DPY19L2: variants seen among roughly 807,000 people sequenced by gnomAD.
DPY19L2 encodes probable C-mannosyltransferase DPY19L2.
In DPY19L2, 34 loss-of-function variants were observed where a neutral mutation model predicts 97.9. That is an observed-to-expected ratio of 0.35 (90% CI 0.26 to 0.46). The LOEUF (loss-of-function observed/expected upper bound fraction) is 0.46. DPY19L2 is among the 20% of genes least tolerant of loss of function. The pLI, the probability that DPY19L2 is intolerant of heterozygous loss-of-function variation, is 1.00. For missense variants in DPY19L2, 623 were observed against 911.4 expected, an observed-to-expected ratio of 0.68 and a Z score of 4.07; for synonymous variants, 230 against 307.9, an observed-to-expected ratio of 0.75 and a Z score of 2.65.
At chr12:63,597,094 T>G (rs1228896950) in intron 14 of DPY19L2, among the ~76,000 whole-genome samples, 1 of 151,952 alleles carries the variant, frequency 6.6e-6, no homozygotes, top group Non-Finnish European at 1.5e-5. Context: ...TGTCTCAGCC[T>G]CCTACTCAGG....
chr12:63,660,610 A>G (rs1895552309), intron 4 of DPY19L2, among the ~76,000 whole-genome samples: 1 of 152,032 alleles, frequency 6.6e-6, no homozygotes, highest in African/African-American at 2.4e-5. Context: ...TAGATGGTTG[A>G]TCACACATAT....
chr12:63,563,000 T>C (rs1483179107), intron 21 of DPY19L2, among the ~76,000 whole-genome samples: 3 of 152,170 alleles, frequency 2.0e-5, no homozygotes, highest in African/African-American at 7.2e-5. Flanking sequence ...TTTCGCCATG[T>C]TGGCCAGGCT....
chr12:63,584,936 C>T (rs1327010811), intron 16 of DPY19L2, among the ~76,000 whole-genome samples: 1 of 152,062 alleles, frequency 6.6e-6, no homozygotes, highest in African/African-American at 2.4e-5. Context: ...TCTAAAACTG[C>T]AAAAGTTATG....
intron 21 of DPY19L2, among the ~76,000 whole-genome samples, chr12:63,567,370 A>G (rs1323329268): frequency 6.6e-6 from 1 of 151,612 alleles, no homozygotes; most frequent in Non-Finnish European, 1.5e-5. Flanking sequence ...AGTGGTTTTG[A>G]TAGGGATGAC....
intron 4 of DPY19L2, among the ~76,000 whole-genome samples, chr12:63,655,103 T>C (rs1205233563): frequency 3.3e-5 from 5 of 152,052 alleles, no homozygotes; most frequent in Admixed American, 1.3e-4. Context: ...GCATCTATAA[T>C]ATATAAGGAA....
At chr12:63,627,668 T>C (rs1474996592) in intron 6 of DPY19L2, among the ~76,000 whole-genome samples, 1 of 152,160 alleles carries the variant, frequency 6.6e-6, no homozygotes, top group Non-Finnish European at 1.5e-5. Context: ...TTTCTTAAAT[T>C]GCCTTTTTGT....
rs146091782 is a variant in DPY19L2 at position 63,645,796 on chromosome 12, G to A, written c.710-1300C>T. Among the ~76,000 whole-genome samples, 362 of 152,062 alleles carry A rather than the reference G, an allele frequency of 2.4e-3. 3 individuals carry two copies. The highest frequency in any genetic ancestry group is 4.3e-3 in the Non-Finnish European group (291 of 67,976). ...GCAATCACTTGTTGAGAATATAATT[G>A]TCTCCTACCTGGCCTCCCTTAACCT... is the stretch of plus-strand genomic sequence containing the variant. On this transcript the variant is annotated intron_variant, in intron 5 of 21. Coordinates refer to ENST00000324472, the MANE Select transcript of DPY19L2 (RefSeq NM_173812.5).
chr12:63,643,393 A>G (rs574098605), intron 6 of DPY19L2, among the ~76,000 whole-genome samples: 1 of 152,242 alleles, frequency 6.6e-6, no homozygotes, highest in East Asian at 1.9e-4. Context: ...TAATCTCTAT[A>G]TTGACATAAG....
At chr12:63,590,154 C>T (rs1882652418) in intron 16 of DPY19L2, among the ~76,000 whole-genome samples, 1 of 151,606 alleles carries the variant, frequency 6.6e-6, no homozygotes, top group African/African-American at 2.4e-5. Flanking sequence ...ACAACAAAAA[C>T]CCACAAAACA....
intron 11 of DPY19L2, among the ~76,000 whole-genome samples, chr12:63,611,836 G>A (rs986863594): frequency 1.3e-5 from 2 of 151,986 alleles, no homozygotes; most frequent in Non-Finnish European, 2.9e-5. Context: ...AAAGTGAAGT[G>A]GGGAGGCAGA....
chr12:63,602,245 A>G (rs1265287750), intron 12 of DPY19L2, among the ~76,000 whole-genome samples: 1 of 152,080 alleles, frequency 6.6e-6, no homozygotes, highest in Admixed American at 6.5e-5. Flanking sequence ...TAGAAAGGGA[A>G]TGGAAGAAAA....
chr12:63,646,912 T>C (rs953733178), intron 5 of DPY19L2, among the ~76,000 whole-genome samples: 1 of 152,326 alleles, frequency 6.6e-6, no homozygotes, highest in African/African-American at 2.4e-5. Context: ...GATATTTGAC[T>C]ATTTAATGTA....
At chr12:63,604,763 C>G (rs1885761204) in intron 12 of DPY19L2, among the ~76,000 whole-genome samples, 1 of 152,086 alleles carries the variant, frequency 6.6e-6, no homozygotes, top group Non-Finnish European at 1.5e-5. Flanking sequence ...ATTAAAACTG[C>G]TCATTGAAGT....
intron 6 of DPY19L2, among the ~76,000 whole-genome samples, chr12:63,640,193 G>A (rs1043274095): frequency 6.6e-6 from 1 of 152,080 alleles, no homozygotes; most frequent in African/African-American, 2.4e-5. Context: ...ACACACCGGG[G>A]CCTGTCATGA....
chr12:63,649,431 C>T (rs1893877509), intron 4 of DPY19L2, among the ~76,000 whole-genome samples: 1 of 151,890 alleles, frequency 6.6e-6, no homozygotes, highest in Non-Finnish European at 1.5e-5. Flanking sequence ...AGACCACTAG[C>T]TAGACTAATA....
chr12:63,616,761 T>C (rs1887904135), intron 11 of DPY19L2, among the ~76,000 whole-genome samples: 1 of 152,108 alleles, frequency 6.6e-6, no homozygotes, highest in Admixed American at 6.5e-5. Flanking sequence ...AGAAATAATT[T>C]AGTTATAGGT....
intron 18 of DPY19L2, 39 bp downstream of exon 18, chr12:63,582,367 A>G (rs770284194): frequency 1.3e-6 from 2 of 1,594,114 alleles, no homozygotes; most frequent in East Asian, 4.5e-5. Flanking sequence ...TAGCTGCTAT[A>G]GTTTTTATAG....
chr12:63,629,763 G>A (rs1390832915), intron 6 of DPY19L2, among the ~76,000 whole-genome samples: 2 of 152,094 alleles, frequency 1.3e-5, no homozygotes, highest in African/African-American at 4.8e-5. Context: ...ACACATAATT[G>A]TCAGGTTCAC....
intron 21 of DPY19L2, 149 bp downstream of exon 21, chr12:63,569,075 C>G (rs1255377592): frequency 6.2e-6 from 5 of 809,316 alleles, no homozygotes; most frequent in Middle Eastern, 8.9e-4. Flanking sequence ...TTTTATGTCT[C>G]TAGATGAAAT....
Sources: allele counts gnomAD v4.1 joint callset (sites outside exome capture counted in the v4.1 genomes callset), GRCh38; gene constraint gnomAD v4.1.1; transcripts MANE v1.5; gene names NCBI Gene and HGNC (gene_info 2026-07-23, HGNC 2026-07-21).